ERLIN1: variants seen among roughly 807,000 people sequenced by gnomAD.
ERLIN1 encodes the protein erlin-1.
ERLIN1 carries 24 observed loss-of-function variants against 46.9 expected under a neutral mutation model. The observed-to-expected ratio is 0.51, with a 90% CI of 0.37 to 0.72. ERLIN1 has a LOEUF of 0.72. ERLIN1 is among the 30% of genes least tolerant of loss of function. The pLI, the probability that ERLIN1 is intolerant of heterozygous loss-of-function variation, is 0.00. For missense variants in ERLIN1, 293 were observed against 417.9 expected (o/e 0.70, Z 2.61); for synonymous variants, 158 against 143.2 (o/e 1.10, Z -0.74).
At chr10:100,178,951 G>A (rs1163574289) in intron 3 of ERLIN1, among the ~76,000 whole-genome samples, 1 of 152,176 alleles carries the variant, frequency 6.6e-6, no homozygotes, top group Admixed American at 6.5e-5. Flanking sequence ...ATGCAGCAGT[G>A]CTAATACACA....
At chr10:100,162,937 T>G (rs1843436616) in intron 8 of ERLIN1, among the ~76,000 whole-genome samples, 1 of 152,178 alleles carries the variant, frequency 6.6e-6, no homozygotes, top group African/African-American at 2.4e-5. Context: ...TGGATAAGAA[T>G]GTTATTGTGG....
At chr10:100,166,523 T>C (rs1208754492) in intron 7 of ERLIN1, among the ~76,000 whole-genome samples, 1 of 151,682 alleles carries the variant, frequency 6.6e-6, no homozygotes, top group East Asian at 1.9e-4. Flanking sequence ...AAAAAAACAA[T>C]AAAAATCTGC....
rs150637932 is a variant in ERLIN1 at position 100,151,636 on chromosome 10, G to C, written c.*495C>G. Reference sequence around the variant, plus strand: ...TTTCCTGGGGAACTTCAGCGGCCTGGATCTTAATCACATGGATGAAGGCTG... The same window carrying C: ...TTTCCTGGGGAACTTCAGCGGCCTGCATCTTAATCACATGGATGAAGGCTG... On this transcript the variant is annotated 3_prime_UTR_variant, in exon 11 of 11. Coordinates refer to ENST00000421367, the MANE Select transcript of ERLIN1 (RefSeq NM_006459.4). 5.2e-6 allele frequency: 1 copy of C among 191,030 alleles called. No individual in the cohort carries two copies. The highest frequency in any genetic ancestry group is 2.3e-5 in the African/African-American group (1 of 42,566). 11.8% of individuals were successfully genotyped at this position (191,030 alleles called of 1,614,324 possible).
Position 100,154,942 on chromosome 10 carries a change from A to G in ERLIN1, c.746-3T>C, listed in dbSNP as rs760148886. The G allele has an allele frequency of 3.7e-6, 6 of 1,612,706 alleles. No homozygotes were observed. The highest frequency in any genetic ancestry group is 4.2e-6 in the Non-Finnish European group (5 of 1,178,918). ...CTCTCGGGCCAGGAATGCAGCATCT[A>G]GCAAATAAACAAAGGAAAGGTGTCA... On this transcript the variant is annotated splice_polypyrimidine_tract_variant and splice_region_variant and intron_variant, in intron 9 of 10. Transcript: ENST00000421367.
intron 8 of ERLIN1, among the ~76,000 whole-genome samples, chr10:100,162,590 T>C (rs142085534): frequency 0.012 from 1,776 of 152,272 alleles, 46 homozygotes; most frequent in African/African-American, 0.04. Flanking sequence ...TCAAACCACC[T>C]GTGGAAAAAT....
intron 1 of ERLIN1, among the ~76,000 whole-genome samples, chr10:100,184,786 T>G (rs1180988483): frequency 1.3e-5 from 2 of 152,184 alleles, no homozygotes; most frequent in Non-Finnish European, 2.9e-5. Flanking sequence ...GATTTGAAAG[T>G]AGAAATATCA....
chr10:100,171,642 C>T (rs551147512), intron 6 of ERLIN1, among the ~76,000 whole-genome samples: 3 of 152,216 alleles, frequency 2.0e-5, no homozygotes, highest in African/African-American at 7.2e-5. Flanking sequence ...AACTCCTGGG[C>T]TCAAGGGAGC....
rs929764201 is a variant in ERLIN1 at position 100,167,399 on chromosome 10, C to T, written c.512G>A (p.Arg171His). The T allele has an allele frequency of 2.5e-6, 4 of 1,612,492 alleles. No homozygotes were observed. The highest frequency in any genetic ancestry group is 3.4e-6 in the Non-Finnish European group (4 of 1,179,272). ...MAPGLTIQAV[R>H]VTKPKIPEAI... is the part of the protein sequence containing the mutation. ...TTCTGGGATTTTGGGTTTTGTAACA[C>T]GCACAGCCTAAAAAATAAAAGTGAA... The change falls in exon 7 of 11, where the codon CGT (arginine) becomes CAT (histidine). Residue 171 changes from arginine (R) to histidine (H), a missense_variant. Physicochemically the swap from Arg to His is conservative, Grantham distance 29. Coordinates refer to ENST00000421367, the MANE Select transcript of ERLIN1 (RefSeq NM_006459.4).
chr10:100,177,745 A>T (rs1043869785), intron 4 of ERLIN1, among the ~76,000 whole-genome samples: 2 of 152,232 alleles, frequency 1.3e-5, no homozygotes, highest in Admixed American at 1.3e-4. Context: ...TGCTTTGCAA[A>T]TTATAGCAAA....
chr10:100,178,218 G>C (rs1223604897), intron 3 of ERLIN1, 24 bp from the exon 4 acceptor site: 5 of 1,498,706 alleles, frequency 3.3e-6, no homozygotes, highest in Non-Finnish European at 4.6e-6. Flanking sequence ...AAAAAAGTGT[G>C]AACTACTAAA....
intron 8 of ERLIN1, among the ~76,000 whole-genome samples, chr10:100,157,387 C>G (rs115605971): frequency 0.012 from 1,772 of 152,274 alleles, 44 homozygotes; most frequent in African/African-American, 0.04. Flanking sequence ...CCTTAATAAA[C>G]CTCTGGCCTA....
At position 100,151,984 on chromosome 10, in the gene ERLIN1, A is replaced by T. The variant is rs1842822629; in HGVS notation, c.*147T>A. 1.4e-6 allele frequency: 1 copy of T among 704,970 alleles called. No homozygotes were observed. The highest frequency in any genetic ancestry group is 2.0e-5 in the Admixed American group (1 of 49,616). 43.7% of individuals were successfully genotyped at this position (704,970 alleles called of 1,614,324 possible). ...TGTCAGACAGCTGGCTCTATCCTCC[A>T]ATCAGTGGAGCACCCAGGACTATCG... On this transcript the variant is annotated 3_prime_UTR_variant, in exon 11 of 11. Transcript: ENST00000421367.
chr10:100,152,437 C>T lies in ERLIN1; in HGVS notation c.826-85G>A, dbSNP rs1408579. The T allele has an allele frequency of 0.37, 294,861 of 806,732 alleles. 63,139 individuals are homozygous for T. Among genetic ancestry groups the T allele is most frequent in the Non-Finnish European group, 0.47 (214,737 of 453,922 alleles). The allele number at this position is 806,732 out of a possible 1,614,324, so 50.0% of individuals were successfully genotyped here. A position where few individuals can be genotyped will look rare whatever the true frequency, so the allele number is the denominator to read the frequency against. ...CTCCCTATATACATTTCACCTATTG[C>T]TCTCCTGAGTATCATGAGTCAAGTC... On this transcript the variant is annotated intron_variant, in intron 10 of 10. Transcript: ENST00000421367.
intron 8 of ERLIN1, among the ~76,000 whole-genome samples, chr10:100,157,054 G>T (rs1843118597): frequency 6.6e-6 from 1 of 152,002 alleles, no homozygotes; most frequent in Non-Finnish European, 1.5e-5. Flanking sequence ...AGACAAGAAG[G>T]CACAAATGAA....
At chr10:100,173,743 C>A (rs987485582) in intron 6 of ERLIN1, among the ~76,000 whole-genome samples, 15 of 152,310 alleles carry the variant, frequency 9.8e-5, no homozygotes, top group Admixed American at 9.8e-4. Flanking sequence ...TCAATCACAG[C>A]CCTCTCCTAG....
chr10:100,179,549 T>C (rs1844513639), intron 2 of ERLIN1, among the ~76,000 whole-genome samples: 1 of 152,042 alleles, frequency 6.6e-6, no homozygotes, highest in South Asian at 2.1e-4. Flanking sequence ...CTCTGCCTCC[T>C]GGGTTCAGGC....
At chr10:100,180,828 C>T (rs963723987) in intron 2 of ERLIN1, among the ~76,000 whole-genome samples, 1 of 152,138 alleles carries the variant, frequency 6.6e-6, no homozygotes, top group Non-Finnish European at 1.5e-5. Context: ...TTCTCATTCT[C>T]CATCTTATAG....
chr10:100,184,170 G>A (rs1223358421), intron 1 of ERLIN1, among the ~76,000 whole-genome samples: 2 of 152,012 alleles, frequency 1.3e-5, no homozygotes, highest in Non-Finnish European at 1.5e-5. Flanking sequence ...GCTTTCAGTA[G>A]AGGTACATTA....
At chr10:100,179,305 G>C in intron 2 of ERLIN1, 58 bp from the exon 3 acceptor site, 1 of 1,238,272 alleles carries the variant, frequency 8.1e-7, no homozygotes, top group Non-Finnish European at 1.2e-6. Context: ...AAAAACTACT[G>C]GTACCAGAGG....
Sources: gnomAD v4.1 joint callset for allele counts (sites outside exome capture counted in the v4.1 genomes callset) on GRCh38, gnomAD v4.1.1 for gene constraint, MANE v1.5 for transcripts, NCBI Gene and HGNC (gene_info 2026-07-23, HGNC 2026-07-21) for gene names.